Variants in PRR5 observed in about 807,000 individuals in gnomAD.
PRR5 encodes the protein proline-rich protein 5.
PRR5 carries 25 observed loss-of-function variants against 30.6 expected under a neutral mutation model. The observed-to-expected ratio is 0.82, with a 90% CI of 0.60 to 1.14. PRR5 has a LOEUF of 1.14. Ranked by LOEUF, PRR5 falls within the 50% of genes most tolerant of loss-of-function variation. The pLI is 0.00. For synonymous variants in PRR5, 286 were observed against 247.1 expected (o/e 1.16, Z -1.48); for missense variants, 600 against 547.1 (o/e 1.10, Z -0.96).
At chr22:44,670,538 G>C (rs136913) in intron 1 of PRR5, among the ~76,000 whole-genome samples, 1 of 152,032 alleles carries the variant, frequency 6.6e-6, no homozygotes, top group Non-Finnish European at 1.5e-5. Flanking sequence ...GGTACCCCAC[G>C]TCGCAAGCAC....
In PRR5 at chr22:44,737,454, T is replaced by A; in HGVS notation, c.*207T>A. The stretch of plus-strand genomic sequence containing the variant: ...TCGGCCCAGGTCTGTTTCAGGCATC[T>A]GAGTCGGCGTTTACCCAGGGGCCGG... On this transcript the variant is annotated 3_prime_UTR_variant, in exon 8 of 8. Coordinates refer to ENST00000336985, the MANE Select transcript of PRR5 (RefSeq NM_181333.4). 1 of 1,107,928 alleles carries A rather than the reference T, an allele frequency of 9.0e-7. No individual in the cohort carries two copies. The highest frequency in any genetic ancestry group is 1.2e-6 in the Non-Finnish European group (1 of 819,000). 68.6% of individuals were successfully genotyped at this position (1,107,928 alleles called of 1,614,324 possible).
chr22:44,705,343 TGAGACGGAG>T, intron 1 of PRR5, among the ~76,000 whole-genome samples: 1 of 152,294 alleles, frequency 6.6e-6, no homozygotes, highest in South Asian at 2.1e-4. Context: ...TTTCCTTTCT[TGAGACGGAG>T]TTTCACTCTT....
At chr22:44,732,451 T>C (rs1424220863) in intron 6 of PRR5, 60 bp downstream of exon 6, 33 of 1,566,644 alleles carry the variant, frequency 2.1e-5, no homozygotes, top group South Asian at 9.0e-5. Flanking sequence ...TGGGCTCAGG[T>C]CCCCACAGGC....
At chr22:44,735,482 G>A (rs935218214) in intron 7 of PRR5, among the ~76,000 whole-genome samples, 1 of 152,198 alleles carries the variant, frequency 6.6e-6, no homozygotes, top group Non-Finnish European at 1.5e-5. Flanking sequence ...TGCAAATGCC[G>A]AAGCTTGAGG....
rs1040425128 is a variant in PRR5 at position 44,727,319 on chromosome 22, C to T, written c.322+685C>T. Reference sequence around the variant, plus strand: ...AGCAGCGTGCGCATCCTTGCAGGAGCGAGCTGCCCTGGGAGCGGGGTCAGG... The same window carrying T: ...AGCAGCGTGCGCATCCTTGCAGGAGTGAGCTGCCCTGGGAGCGGGGTCAGG... On this transcript the variant is annotated intron_variant, in intron 4 of 7. Coordinates refer to ENST00000336985, the MANE Select transcript of PRR5 (RefSeq NM_181333.4). 6.6e-5 allele frequency among the ~76,000 whole-genome samples: 10 copies of T among 152,194 alleles called. No homozygotes were observed. The East Asian group carries it at 1.6e-3, about 24-fold the overall frequency.
rs148064635 is a variant in PRR5 at position 44,693,432 on chromosome 22, C to T, written c.-10-9060C>T. Among the ~76,000 whole-genome samples the T allele has an allele frequency of 8.4e-3, 1,277 of 151,460 alleles. 18 individuals carry two copies. The highest frequency in any genetic ancestry group is 0.029 in the African/African-American group (1,207 of 40,970). The stretch of plus-strand genomic sequence containing the variant: ...CATGATCACACCACTGCACTTCAGC[C>T]TGGGTGACAGAGCAAGACCCTGTCT... On this transcript the variant is annotated intron_variant, in intron 1 of 8. Transcript: ENST00000006251.
At chr22:44,700,218 C>T (rs915729632), upstream of PRR5, among the ~76,000 whole-genome samples, 24 of 152,268 alleles carry the variant, frequency 1.6e-4, no homozygotes, top group South Asian at 8.3e-4. Flanking sequence ...AATCCCAGCA[C>T]TTTAGGAGGC....
intron 1 of PRR5, among the ~76,000 whole-genome samples, chr22:44,684,522 G>A (rs1924574313): frequency 6.6e-6 from 1 of 152,218 alleles, no homozygotes; most frequent in South Asian, 2.1e-4. Context: ...ACTCCAGCCT[G>A]GGCAACAGAG....
chr22:44,708,459 G>A (rs772869026), intron 1 of PRR5, among the ~76,000 whole-genome samples: 3 of 152,064 alleles, frequency 2.0e-5, no homozygotes, highest in Non-Finnish European at 4.4e-5. Context: ...CCCTGGTCCT[G>A]GACAGGAACC....
upstream of PRR5, among the ~76,000 whole-genome samples, chr22:44,676,170 G>A (rs1923745510): frequency 6.6e-6 from 1 of 151,814 alleles, no homozygotes; most frequent in Admixed American, 6.6e-5. Context: ...GATCACTTGG[G>A]CCCAGGAGTT....
rs3213551 is a variant in PRR5, at chr22:44,737,655, G to T, written c.*408G>T. On this transcript the variant is annotated 3_prime_UTR_variant, in exon 8 of 8. Coordinates refer to ENST00000336985, the MANE Select transcript of PRR5 (RefSeq NM_181333.4). ...CCTGGGGTGGCCATGGGGATGGAAG[G>T]GGGTGGAATAAAACCTGTCAACCTG... 9,109 of 193,386 alleles carry T rather than the reference G, an allele frequency of 0.047. 319 individuals are homozygous for T. Among genetic ancestry groups the T allele is most frequent in the Admixed American group, 0.088 (1,658 of 18,884 alleles). 12.0% of individuals were successfully genotyped at this position (193,386 alleles called of 1,614,324 possible).
chr22:44,714,751 C>T, intron 2 of PRR5, 80 bp downstream of exon 2: 3 of 1,551,044 alleles, frequency 1.9e-6, no homozygotes, highest in South Asian at 2.3e-5. Context: ...CCCAGCCAGG[C>T]CCCTGACCCG....
chr22:44,734,800 T>C, intron 6 of PRR5: 1 of 609,624 alleles, frequency 1.6e-6, no homozygotes, highest in Non-Finnish European at 2.8e-6. Flanking sequence ...CACACCATGG[T>C]CTCCCAGATC....
upstream of PRR5, among the ~76,000 whole-genome samples, chr22:44,675,884 G>A (rs898513148): frequency 8.2e-4 from 125 of 151,710 alleles, 1 homozygote; most frequent in Admixed American, 7.9e-3. Flanking sequence ...TCCTAGCCAC[G>A]ATCAGTCATG....
In PRR5 at chr22:44,737,361, G is replaced by A. The variant is rs1174713379; in HGVS notation, c.*114G>A. 1.0e-5 allele frequency: 15 copies of A among 1,441,248 alleles called. No homozygotes were observed. Among genetic ancestry groups the A allele is most frequent in the East Asian group, 7.4e-5 (3 of 40,458 alleles). The allele number at this position is 1,441,248 out of a possible 1,614,324, so 89.3% of individuals were successfully genotyped here. On this transcript the variant is annotated 3_prime_UTR_variant, in exon 8 of 8. Transcript: ENST00000336985. Reference sequence around the variant, plus strand: ...TGCGTCCCGTCCCGCCAGCCCTATCGGCCTCGTCACTGGCCTTGGTCACTT... The same window carrying A: ...TGCGTCCCGTCCCGCCAGCCCTATCAGCCTCGTCACTGGCCTTGGTCACTT...
At chr22:44,710,518 T>A (rs998667720) in intron 1 of PRR5, among the ~76,000 whole-genome samples, 1 of 152,196 alleles carries the variant, frequency 6.6e-6, no homozygotes, top group Non-Finnish European at 1.5e-5. Flanking sequence ...GGCCCGTCTT[T>A]GCAGGGCCCA....
chr22:44,731,414 G>A (rs1921941518), intron 4 of PRR5: 2 of 457,662 alleles, frequency 4.4e-6, no homozygotes, highest in Admixed American at 3.4e-5. Context: ...CAAAGGCCTG[G>A]GAATTGGCAG....
intron 1 of PRR5, among the ~76,000 whole-genome samples, chr22:44,681,726 G>C (rs1306945217): frequency 6.6e-6 from 1 of 152,222 alleles, no homozygotes; most frequent in Non-Finnish European, 1.5e-5. Context: ...TGGGACCAGG[G>C]GCCCTGCTGG....
intron 1 of PRR5, among the ~76,000 whole-genome samples, chr22:44,688,140 T>C (rs146628020): frequency 0.064 from 9,459 of 147,810 alleles, 314 homozygotes; most frequent in Middle Eastern, 0.1. Flanking sequence ...TACCAACACT[T>C]TGGGAGGCTG....
Sources: allele counts gnomAD v4.1 joint callset (sites outside exome capture counted in the v4.1 genomes callset), GRCh38; gene constraint gnomAD v4.1.1; transcripts MANE v1.5; gene names NCBI Gene and HGNC (gene_info 2026-07-23, HGNC 2026-07-21).